CHN2: variants seen among roughly 807,000 people sequenced by gnomAD.
CHN2 encodes the protein chimerin 2.
CHN2 carries 35 observed loss-of-function variants against 56.3 expected under a neutral mutation model. The observed-to-expected ratio is 0.62, with a 90% CI of 0.47 to 0.82. The LOEUF (loss-of-function observed/expected upper bound fraction) is 0.82. Ranked by LOEUF, CHN2 falls within the 40% of genes least tolerant of loss-of-function variation. The pLI is 0.00. For synonymous variants in CHN2, 210 were observed against 212.8 expected (o/e 0.99, Z 0.12); for missense variants, 491 against 580.5 (o/e 0.85, Z 1.58).
chr7:29,234,027 G>T (rs1786964154), intron 1 of CHN2, among the ~76,000 whole-genome samples: 1 of 150,184 alleles, frequency 6.7e-6, no homozygotes, highest in African/African-American at 2.5e-5. Context: ...TAGAGACGGG[G>T]TTTCACCGTT....
chr7:29,304,263 A>C (rs1204085003), intron 1 of CHN2, among the ~76,000 whole-genome samples: 2 of 152,228 alleles, frequency 1.3e-5, no homozygotes, highest in Non-Finnish European at 2.9e-5. Flanking sequence ...GAACAGAGCC[A>C]ACCCAATTTG....
chr7:29,250,208 C>T (rs1263768717), intron 1 of CHN2, among the ~76,000 whole-genome samples: 1 of 152,230 alleles, frequency 6.6e-6, no homozygotes, highest in African/African-American at 2.4e-5. Flanking sequence ...GTAGCTTTTA[C>T]AGCACCACCT....
chr7:29,189,234 G>A (rs981871025), intron 2 of CHN2, among the ~76,000 whole-genome samples: 1 of 152,092 alleles, frequency 6.6e-6, no homozygotes, highest in Admixed American at 6.6e-5. Flanking sequence ...TTACAGGTGT[G>A]AGCCACCGCG....
chr7:29,257,536 C>G (rs1255076013), intron 1 of CHN2, among the ~76,000 whole-genome samples: 1 of 152,200 alleles, frequency 6.6e-6, no homozygotes, highest in Non-Finnish European at 1.5e-5. Context: ...TAGGTTACAG[C>G]TCTAATCTCT....
Position 29,512,670 on chromosome 7 carries a change from C to G in CHN2, c.1342C>G (p.His448Asp), listed in dbSNP as rs1314050603. 5 of 1,614,148 alleles carry G rather than the reference C, an allele frequency of 3.1e-6. No individual in the cohort carries two copies. The highest frequency in any genetic ancestry group is 4.2e-6 in the Non-Finnish European group (5 of 1,180,018). ...PPEDSTLTTL[H>D]DMRYQKLIVQ... ...TGAGGACAGCACCCTGACCACCCTG[C>G]ATGATATGCGGTACCAAAAGCTGAT... The change falls in exon 13 of 13, where the codon CAT (histidine) becomes GAT (aspartate). Residue 448 changes from histidine to aspartate, a missense_variant. His to Asp is a moderately conservative substitution (Grantham distance 81, BLOSUM62 -1). Transcript: ENST00000222792.
At chr7:29,459,941 C>T (rs1388551532) in intron 6 of CHN2, among the ~76,000 whole-genome samples, 2 of 152,262 alleles carry the variant, frequency 1.3e-5, no homozygotes, top group Non-Finnish European at 2.9e-5. Flanking sequence ...ATACAATAGG[C>T]GTTCTCTGCC....
At chr7:29,345,653 G>A (rs1055433460) in intron 1 of CHN2, among the ~76,000 whole-genome samples, 5 of 152,120 alleles carry the variant, frequency 3.3e-5, no homozygotes, top group African/African-American at 9.7e-5. Flanking sequence ...GCAGAGTTTC[G>A]TAAGGCCTCT....
chr7:29,194,636 A>C, upstream of CHN2: 1 of 302,320 alleles, frequency 3.3e-6, no homozygotes, highest in East Asian at 5.6e-5. Context: ...GCTCGGCGGG[A>C]GCCGAGATCC....
chr7:29,202,751 G>A (rs1339127148), intron 1 of CHN2, among the ~76,000 whole-genome samples: 2 of 152,214 alleles, frequency 1.3e-5, no homozygotes, highest in African/African-American at 4.8e-5. Context: ...GCTGGGTATT[G>A]TCCTTTTCAA....
chr7:29,175,118 C>T (rs934241954), intron 2 of CHN2, among the ~76,000 whole-genome samples: 2 of 151,842 alleles, frequency 1.3e-5, no homozygotes, highest in Non-Finnish European at 2.9e-5. Context: ...GTGCTTCCCC[C>T]ATACTGTTCT....
chr7:29,406,210 G>C (rs1250620442), intron 6 of CHN2, among the ~76,000 whole-genome samples: 3 of 152,318 alleles, frequency 2.0e-5, no homozygotes, highest in African/African-American at 4.8e-5. Flanking sequence ...CTGAGACTGG[G>C]GTTTGGTACA....
chr7:29,234,054 C>T lies in CHN2; in HGVS notation c.49+39064C>T, dbSNP rs530893649. On this transcript the variant is annotated intron_variant, in intron 1 of 12. Transcript: ENST00000222792. ...TTCACCGTTTTAGCCGGGATGGTCTCGATCTCCTGACCTCGTGATCCGCCC... is the reference window on the plus strand; with the variant it reads ...TTCACCGTTTTAGCCGGGATGGTCTTGATCTCCTGACCTCGTGATCCGCCC... Among the ~76,000 whole-genome samples, 15 of 150,876 alleles carry T rather than the reference C, an allele frequency of 9.9e-5. No homozygotes were observed. The East Asian group carries it at 2.8e-3, about 28-fold the overall frequency.
intron 2 of CHN2, among the ~76,000 whole-genome samples, chr7:29,179,292 C>T (rs1216841271): frequency 6.6e-6 from 1 of 152,200 alleles, no homozygotes; most frequent in Non-Finnish European, 1.5e-5. Context: ...CCCCATCCCA[C>T]GCCAAGTCAT....
intron 2 of CHN2, among the ~76,000 whole-genome samples, chr7:29,355,772 A>ATTTTTTTT (rs1167339692): frequency 3.8e-5 from 2 of 52,386 alleles, no homozygotes; most frequent in Non-Finnish European, 6.7e-5. Context: ...AGATGGGACT[A>ATTTTTTTT]TTTTTTTTTT....
intron 2 of CHN2, among the ~76,000 whole-genome samples, chr7:29,360,668 C>T (rs1798669863): frequency 1.3e-5 from 2 of 152,178 alleles, no homozygotes; most frequent in African/African-American, 4.8e-5. Context: ...AAGACATGAG[C>T]AGTGAGCAGG....
intron 6 of CHN2, among the ~76,000 whole-genome samples, chr7:29,468,053 C>G (rs1785684034): frequency 6.7e-6 from 1 of 148,528 alleles, no homozygotes; most frequent in African/African-American, 2.5e-5. Context: ...GGAGTAGGAG[C>G]AGGTATAGGT....
At chr7:29,255,860 A>G (rs367581991) in intron 1 of CHN2, among the ~76,000 whole-genome samples, 2 of 152,288 alleles carry the variant, frequency 1.3e-5, no homozygotes, top group Admixed American at 6.5e-5. Flanking sequence ...GACAGAATCT[A>G]TCAATGCAAC....
chr7:29,441,800 G>A (rs1253932412), intron 6 of CHN2, among the ~76,000 whole-genome samples: 1 of 152,118 alleles, frequency 6.6e-6, no homozygotes, highest in Non-Finnish European at 1.5e-5. Context: ...GTGAGGATGT[G>A]GAGAAATCAG....
At chr7:29,148,818 A>G (rs1397065820) in intron 2 of CHN2, among the ~76,000 whole-genome samples, 1 of 152,210 alleles carries the variant, frequency 6.6e-6, no homozygotes, top group East Asian at 1.9e-4. Context: ...ATCCCATCAT[A>G]CAATATAAGA....
Sources: gnomAD v4.1 joint callset for allele counts (sites outside exome capture counted in the v4.1 genomes callset) on GRCh38, gnomAD v4.1.1 for gene constraint, MANE v1.5 for transcripts, NCBI Gene and HGNC (gene_info 2026-07-23, HGNC 2026-07-21) for gene names.